The following AGBL4 variants were observed in gnomAD, a reference collection of about 807,000 sequenced individuals.
AGBL4 encodes the protein cytosolic carboxypeptidase 6.
AGBL4 carries 58 observed loss-of-function variants against 66.4 expected under a neutral mutation model. The ratio of observed to expected loss-of-function variants is 0.87; its 90% CI spans 0.71 to 1.09. The LOEUF (loss-of-function observed/expected upper bound fraction) is 1.09. AGBL4 is among the 50% of genes least tolerant of loss of function. AGBL4 has a pLI of 0.00. For synonymous variants in AGBL4, 234 were observed against 222.9 expected (o/e 1.05, Z -0.44); for missense variants, 579 against 631.0 (o/e 0.92, Z 0.88).
At chr1:49,072,741 A>T (rs1644633263) in intron 4 of AGBL4, among the ~76,000 whole-genome samples, 1 of 151,974 alleles carries the variant, frequency 6.6e-6, no homozygotes, top group Non-Finnish European at 1.5e-5. Flanking sequence ...CTTCTCGAGG[A>T]ATATCTTTGT....
chr1:49,510,807 G>C (rs1570913571), intron 3 of AGBL4, among the ~76,000 whole-genome samples: 1 of 150,738 alleles, frequency 6.6e-6, no homozygotes, highest in South Asian at 2.1e-4. Flanking sequence ...CATATGGCTA[G>C]CCAGTTTTCC....
chr1:49,746,385 A>G (rs1277772190), intron 2 of AGBL4, among the ~76,000 whole-genome samples: 1 of 151,924 alleles, frequency 6.6e-6, no homozygotes, highest in African/African-American at 2.4e-5. Context: ...TACTCAACAA[A>G]TGTTTTGTTC....
Position 49,123,544 on chromosome 1 carries a change from T to C in AGBL4, c.378-77744A>G, listed in dbSNP as rs548223300. On this transcript the variant is annotated intron_variant, in intron 4 of 13. Transcript: ENST00000371839. ...GTTTGCTCTCTCATAGGATTGCTTT[T>C]ATCAATATGGCAGATAACAAAGGAC... 3.8e-3 allele frequency among the ~76,000 whole-genome samples: 580 copies of C among 152,356 alleles called. 2 individuals carry two copies. Among genetic ancestry groups the C allele is most frequent in the Non-Finnish European group, 5.1e-3 (350 of 68,032 alleles).
At chr1:49,063,452 A>G (rs1644437562) in intron 4 of AGBL4, among the ~76,000 whole-genome samples, 1 of 152,186 alleles carries the variant, frequency 6.6e-6, no homozygotes, top group African/African-American at 2.4e-5. Flanking sequence ...ATAGAGATAA[A>G]TGATTGGGCT....
intron 6 of AGBL4, among the ~76,000 whole-genome samples, chr1:48,817,182 A>G (rs1646200088): frequency 6.6e-6 from 1 of 152,180 alleles, no homozygotes; most frequent in South Asian, 2.1e-4. Context: ...CCAACGTATG[A>G]CATTTTGAAT....
intron 5 of AGBL4, among the ~76,000 whole-genome samples, chr1:48,914,768 A>C (rs576449836): frequency 6.6e-5 from 10 of 152,370 alleles, no homozygotes; most frequent in African/African-American, 2.4e-4. Context: ...GCACTCACCC[A>C]GTAGGTTAGT....
At chr1:49,202,449 T>A (rs1647781811) in intron 4 of AGBL4, among the ~76,000 whole-genome samples, 2 of 151,952 alleles carry the variant, frequency 1.3e-5, no homozygotes, top group Non-Finnish European at 2.9e-5. Context: ...TGAAACAGAA[T>A]AGAGAGCCAA....
chr1:49,686,200 A>C (rs1646784112), intron 3 of AGBL4, among the ~76,000 whole-genome samples: 2 of 152,122 alleles, frequency 1.3e-5, no homozygotes, highest in African/African-American at 4.8e-5. Flanking sequence ...TGAAGATCAG[A>C]TGGTTATAGA....
intron 1 of AGBL4, among the ~76,000 whole-genome samples, chr1:49,973,824 C>A (rs1467000103): frequency 4.6e-5 from 7 of 151,044 alleles, no homozygotes; most frequent in African/African-American, 1.7e-4. Flanking sequence ...TTTAGTGATA[C>A]TTTAACATGA....
intron 3 of AGBL4, among the ~76,000 whole-genome samples, chr1:49,611,452 C>A (rs1387237239): frequency 6.8e-6 from 1 of 147,826 alleles, no homozygotes; most frequent in Non-Finnish European, 1.5e-5. Context: ...TCTCAACTCA[C>A]TGCAACTCTG....
intron 3 of AGBL4, among the ~76,000 whole-genome samples, chr1:49,533,796 T>C (rs1651337583): frequency 6.6e-6 from 1 of 152,152 alleles, no homozygotes; most frequent in African/African-American, 2.4e-5. Context: ...TCTTGTCTGC[T>C]GGGTTTCTGA....
At chr1:48,761,382 C>T (rs1362177173) in intron 6 of AGBL4, 16 of 1,551,750 alleles carry the variant, frequency 1.0e-5, no homozygotes, top group African/African-American at 4.1e-5. Context: ...AATCTTTAAC[C>T]TCTCCATCTT....
intron 9 of AGBL4, 92 bp from the exon 10 acceptor site, chr1:48,591,077 C>A (rs1394093336): frequency 4.1e-6 from 4 of 967,544 alleles, no homozygotes; most frequent in Non-Finnish European, 2.9e-6. Context: ...ACACCCCCCA[C>A]ACACACCCAC....
chr1:49,703,131 G>T (rs1647131974), intron 2 of AGBL4, among the ~76,000 whole-genome samples: 2 of 149,534 alleles, frequency 1.3e-5, no homozygotes, highest in African/African-American at 2.5e-5. Flanking sequence ...TGAAAAGGAA[G>T]AAATAAAATT....
intron 6 of AGBL4, among the ~76,000 whole-genome samples, chr1:48,857,404 T>A (rs192545318): frequency 1.3e-5 from 2 of 152,178 alleles, no homozygotes; most frequent in Non-Finnish European, 2.9e-5. Flanking sequence ...ATTTAAGAGA[T>A]AAAGCTATAA....
intron 5 of AGBL4, among the ~76,000 whole-genome samples, chr1:48,922,946 CAAAT>C (rs1348391732): frequency 1.3e-5 from 2 of 150,432 alleles, no homozygotes; most frequent in East Asian, 3.9e-4. Context: ...CATACATATG[CAAAT>C]AAATTAGGAA....
At chr1:49,267,671 C>A (rs1643954444) in intron 3 of AGBL4, among the ~76,000 whole-genome samples, 1 of 151,474 alleles carries the variant, frequency 6.6e-6, no homozygotes, top group Admixed American at 6.6e-5. Context: ...CGGAGCGAGA[C>A]TCTGTCCCAA....
intron 1 of AGBL4, among the ~76,000 whole-genome samples, chr1:49,973,990 C>G (rs965888861): frequency 6.6e-6 from 1 of 151,854 alleles, no homozygotes; most frequent in Non-Finnish European, 1.5e-5. Context: ...AGAAAGATAA[C>G]TTTTTTATTA....
chr1:49,960,445 A>G (rs1224963505), intron 1 of AGBL4, among the ~76,000 whole-genome samples: 2 of 152,026 alleles, frequency 1.3e-5, no homozygotes, highest in Non-Finnish European at 2.9e-5. Flanking sequence ...GATGGGAGAG[A>G]TTTCATAAAA....
Sources: allele counts gnomAD v4.1 joint callset (sites outside exome capture counted in the v4.1 genomes callset), GRCh38; gene constraint gnomAD v4.1.1; transcripts MANE v1.5; gene names NCBI Gene and HGNC (gene_info 2026-07-23, HGNC 2026-07-21).